The following ERBB4 variants were observed in gnomAD, a reference collection of about 807,000 sequenced individuals.
ERBB4 encodes the protein receptor tyrosine-protein kinase erbB-4.
Under a neutral mutation model 158.0 loss-of-function variants are expected in ERBB4, and 42 were observed. The observed-to-expected ratio is 0.27, with a 90% confidence interval of 0.21 to 0.34. The LOEUF (loss-of-function observed/expected upper bound fraction) is 0.34. Among genes scored for constraint, ERBB4 ranks in the 10% least tolerant of loss-of-function variants. ERBB4 has a pLI of 1.00. For missense variants in ERBB4, 1,333 were observed against 1,624.1 expected, an observed-to-expected ratio of 0.82 and a Z score of 3.08; for synonymous variants, 583 against 558.7, an observed-to-expected ratio of 1.04 and a Z score of -0.61.
chr2:211,431,546 T>C (rs1001493186), intron 20 of ERBB4, among the ~76,000 whole-genome samples: 9 of 152,316 alleles, frequency 5.9e-5, no homozygotes, highest in African/African-American at 1.4e-4. Context: ...TTTAGAAATA[T>C]TTCATTTGAA....
chr2:211,756,505 T>C (rs1336726911), intron 4 of ERBB4, among the ~76,000 whole-genome samples: 1 of 152,192 alleles, frequency 6.6e-6, no homozygotes, highest in Non-Finnish European at 1.5e-5. Flanking sequence ...GTTTGGAGTT[T>C]ACTCTGTGTG....
At chr2:212,088,129 G>A (rs886424483) in intron 2 of ERBB4, among the ~76,000 whole-genome samples, 121 of 152,174 alleles carry the variant, frequency 8.0e-4, no homozygotes, top group African/African-American at 2.8e-3. Flanking sequence ...GCTGGGAAAA[G>A]GCTATCAAGG....
rs189555003 is a variant in ERBB4, at chr2:212,509,207, A to C, written c.82+29242T>G. Among the ~76,000 whole-genome samples, 3 of 152,190 alleles carry C rather than the reference A, an allele frequency of 2.0e-5. No individual in the cohort carries two copies. In the East Asian group the frequency reaches 5.8e-4, roughly 29 times the overall value. Reference sequence around the variant, plus strand: ...ACCCTACTATTCATGGATAAGGCCAAAGCAAATAATTGTAAACTTTTTAAA... The same window carrying C: ...ACCCTACTATTCATGGATAAGGCCACAGCAAATAATTGTAAACTTTTTAAA... On this transcript the variant is annotated intron_variant, in intron 1 of 27. Coordinates refer to ENST00000342788, the MANE Select transcript of ERBB4 (RefSeq NM_005235.3).
In ERBB4 at chr2:211,484,216, C is replaced by T. The variant is rs191202282; in HGVS notation, c.2488-53116G>A. On this transcript the variant is annotated intron_variant, in intron 20 of 27. Transcript: ENST00000342788. Reference sequence around the variant, plus strand: ...TAGAGTCATAATAATTAATGAAAAACGGGAGGGAAAAAAGAGCAAAAGGAA... The same window carrying T: ...TAGAGTCATAATAATTAATGAAAAATGGGAGGGAAAAAAGAGCAAAAGGAA... 1.9e-3 allele frequency among the ~76,000 whole-genome samples: 296 copies of T among 151,836 alleles called. 1 individual carries two copies. The highest frequency in any genetic ancestry group is 6.7e-3 in the African/African-American group (277 of 41,412).
At chr2:212,225,513 C>CAAG (rs59300305) in intron 1 of ERBB4, among the ~76,000 whole-genome samples, 72,906 of 151,204 alleles carry the variant, frequency 0.48, 17,935 homozygotes, top group East Asian at 0.76. Flanking sequence ...TTTATTGTCA[C>CAAG]AAAAGTAAAC....
intron 1 of ERBB4, among the ~76,000 whole-genome samples, chr2:212,362,913 A>G (rs946831855): frequency 1.3e-5 from 2 of 151,396 alleles, no homozygotes; most frequent in African/African-American, 4.8e-5. Context: ...CTTACAGCCT[A>G]ATTTTTAAAA....
At chr2:211,888,906 G>A (rs528137837) in intron 3 of ERBB4, among the ~76,000 whole-genome samples, 13 of 151,594 alleles carry the variant, frequency 8.6e-5, no homozygotes, top group African/African-American at 2.4e-4. Flanking sequence ...CTACGCCCAC[G>A]GAGTCTCACT....
intron 25 of ERBB4, among the ~76,000 whole-genome samples, chr2:211,399,413 A>G (rs2062987711): frequency 6.6e-6 from 1 of 152,218 alleles, no homozygotes; most frequent in Non-Finnish European, 1.5e-5. Flanking sequence ...GAAAAATCTC[A>G]GTGACTCCAT....
In ERBB4 at chr2:212,277,983, G is replaced by A. The variant is rs757636124; in HGVS notation, c.83-153080C>T. 7.9e-5 allele frequency among the ~76,000 whole-genome samples: 12 copies of A among 151,388 alleles called. No homozygotes were observed. In the East Asian group the frequency reaches 1.8e-3, roughly 22 times the overall value. ...TCAGACAATGGCCTTTCTTCACTCC[G>A]GACTTCACTGGGATAAAATTAGTAT... On this transcript the variant is annotated intron_variant, in intron 1 of 27. Coordinates refer to ENST00000342788, the MANE Select transcript of ERBB4 (RefSeq NM_005235.3).
chr2:211,814,808 C>A (rs1176037364), intron 3 of ERBB4, among the ~76,000 whole-genome samples: 2 of 152,046 alleles, frequency 1.3e-5, no homozygotes, highest in African/African-American at 2.4e-5. Flanking sequence ...ATAATGTTTC[C>A]CAGCATTATT....
In ERBB4 at chr2:212,366,716, T is replaced by C. The variant is rs77166828; in HGVS notation, c.82+171733A>G. ...ACATTTTGAATAATATTATCAAGAATAGCTTTTAAAAATGTCTCTGCTTTT... is the reference window on the plus strand; with the variant it reads ...ACATTTTGAATAATATTATCAAGAACAGCTTTTAAAAATGTCTCTGCTTTT... On this transcript the variant is annotated intron_variant, in intron 1 of 27. Transcript: ENST00000342788. Among the ~76,000 whole-genome samples, 4 of 152,062 alleles carry C rather than the reference T, an allele frequency of 2.6e-5. No individual in the cohort carries two copies. In the South Asian group the frequency reaches 8.3e-4, roughly 32 times the overall value.
intron 1 of ERBB4, among the ~76,000 whole-genome samples, chr2:212,169,337 T>A (rs111821318): frequency 4.8e-4 from 73 of 152,178 alleles, no homozygotes; most frequent in African/African-American, 1.6e-3. Flanking sequence ...TATTCAGATT[T>A]AAAAAAATAA....
At chr2:211,929,251 G>GTGTGTC (rs2080104496) in intron 3 of ERBB4, among the ~76,000 whole-genome samples, 2 of 150,572 alleles carry the variant, frequency 1.3e-5, no homozygotes, top group Admixed American at 6.8e-5. Flanking sequence ...GTGTGTGTGT[G>GTGTGTC]TGTGTGTGTG....
chr2:211,451,589 T>G (rs1384965650), intron 20 of ERBB4, among the ~76,000 whole-genome samples: 1 of 151,946 alleles, frequency 6.6e-6, no homozygotes, highest in African/African-American at 2.4e-5. Flanking sequence ...TATTCCTAGC[T>G]AGGGAAGTGG....
At chr2:211,397,107 T>C (rs1302096010) in intron 25 of ERBB4, among the ~76,000 whole-genome samples, 1 of 151,912 alleles carries the variant, frequency 6.6e-6, no homozygotes, top group Non-Finnish European at 1.5e-5. Context: ...AAAAAGAATA[T>C]CAGATTGAAG....
chr2:212,348,748 C>A (rs2089125773), intron 1 of ERBB4, among the ~76,000 whole-genome samples: 1 of 152,070 alleles, frequency 6.6e-6, no homozygotes, highest in Admixed American at 6.6e-5. Flanking sequence ...GCACAGTCTG[C>A]CATTTCAATC....
At chr2:211,524,833 CGGTGGGCTG>C (rs1559259263) in intron 20 of ERBB4, among the ~76,000 whole-genome samples, 1 of 152,160 alleles carries the variant, frequency 6.6e-6, no homozygotes, top group African/African-American at 2.4e-5. Flanking sequence ...CACAGTGCAG[CGGTGGGCTG>C]AAGGGCTCCT....
intron 19 of ERBB4, among the ~76,000 whole-genome samples, chr2:211,600,901 G>C (rs2068780002): frequency 6.6e-6 from 1 of 152,004 alleles, no homozygotes; most frequent in South Asian, 2.1e-4. Flanking sequence ...GAAATCTTTT[G>C]AGTTAACTAA....
chr2:212,162,644 A>T (rs2081235835), intron 1 of ERBB4, among the ~76,000 whole-genome samples: 1 of 151,932 alleles, frequency 6.6e-6, no homozygotes, highest in African/African-American at 2.4e-5. Flanking sequence ...TACATTTCTG[A>T]TTTCTGCAAT....
Sources: gnomAD v4.1 joint callset for allele counts (sites outside exome capture counted in the v4.1 genomes callset) on GRCh38, gnomAD v4.1.1 for gene constraint, MANE v1.5 for transcripts, NCBI Gene and HGNC (gene_info 2026-07-23, HGNC 2026-07-21) for gene names.